The following LRP1B variants were observed in gnomAD, a reference collection of about 807,000 sequenced individuals.
The protein encoded by LRP1B is LDL receptor related protein 1B.
Under a neutral mutation model 556.6 loss-of-function variants are expected in LRP1B, and 217 were observed. The observed-to-expected ratio is 0.39, with a 90% CI of 0.35 to 0.44. LRP1B has a LOEUF of 0.44. Among genes scored for constraint, LRP1B ranks in the 20% least tolerant of loss-of-function variants. LRP1B has a pLI of 1.00. For synonymous variants in LRP1B, 2,047 were observed against 1,865.8 expected (o/e 1.10, Z -2.50); for missense variants, 5,053 against 5,620.8 (o/e 0.90, Z 3.23).
intron 2 of LRP1B, among the ~76,000 whole-genome samples, chr2:141,518,344 G>T (rs1442639296): frequency 6.6e-6 from 1 of 151,918 alleles, no homozygotes; most frequent in Non-Finnish European, 1.5e-5. Context: ...GATTTGGTGA[G>T]TAAAAATGGT....
rs73963048 is a variant in LRP1B, at chr2:141,353,133, G to T, written c.344-98492C>A. On this transcript the variant is annotated intron_variant, in intron 3 of 90. Coordinates refer to ENST00000389484, the MANE Select transcript of LRP1B (RefSeq NM_018557.3). Reference sequence around the variant, plus strand: ...TTTCTTTTTCTTGTGGACACAGAAAGATCATATTTCCCAACATCCCTTGTA... The same window carrying T: ...TTTCTTTTTCTTGTGGACACAGAAATATCATATTTCCCAACATCCCTTGTA... Among the ~76,000 whole-genome samples the T allele has an allele frequency of 9.2e-3, 1,405 of 151,988 alleles. 29 individuals carry two copies. Among genetic ancestry groups the T allele is most frequent in the African/African-American group, 0.032 (1,323 of 41,474 alleles).
chr2:141,093,328 T>G (rs1182068924), intron 7 of LRP1B, among the ~76,000 whole-genome samples: 1 of 151,960 alleles, frequency 6.6e-6, no homozygotes, highest in Non-Finnish European at 1.5e-5. Context: ...ATTTTCTCAC[T>G]GAAATAATAG....
chr2:141,333,412 G>C (rs966462871), intron 3 of LRP1B, among the ~76,000 whole-genome samples: 6 of 152,146 alleles, frequency 3.9e-5, no homozygotes, highest in Admixed American at 3.9e-4. Context: ...GAACATGGAC[G>C]CTACTATTGG....
intron 25 of LRP1B, among the ~76,000 whole-genome samples, chr2:140,875,581 C>G (rs78229538): frequency 0.039 from 5,958 of 152,186 alleles, 184 homozygotes; most frequent in South Asian, 0.094. Context: ...TTTTCAAAGA[C>G]CTGCAATTAT....
At chr2:141,249,166 T>A (rs1223720363) in intron 4 of LRP1B, among the ~76,000 whole-genome samples, 2 of 152,050 alleles carry the variant, frequency 1.3e-5, no homozygotes. Context: ...TGTTCTAGAG[T>A]ATATGGAAGT....
At chr2:140,738,528 C>T (rs571979512) in intron 35 of LRP1B, among the ~76,000 whole-genome samples, 49 of 152,262 alleles carry the variant, frequency 3.2e-4, no homozygotes, top group African/African-American at 1.0e-3. Flanking sequence ...CATTGTCCCC[C>T]GCCAAAGACT....
chr2:140,957,743 A>G (rs928039422), intron 18 of LRP1B, among the ~76,000 whole-genome samples: 5 of 151,570 alleles, frequency 3.3e-5, no homozygotes, highest in African/African-American at 4.8e-5. Flanking sequence ...TGGTTCTGTA[A>G]TCTATCTAGA....
intron 7 of LRP1B, among the ~76,000 whole-genome samples, chr2:141,155,372 A>T (rs1405951404): frequency 3.3e-5 from 5 of 151,798 alleles, no homozygotes; most frequent in Admixed American, 6.6e-5. Context: ...TTATGTGATC[A>T]TCAAAATAGC....
At chr2:142,081,179 G>C (rs1017725980) in intron 1 of LRP1B, among the ~76,000 whole-genome samples, 1 of 152,082 alleles carries the variant, frequency 6.6e-6, no homozygotes, top group African/African-American at 2.4e-5. Flanking sequence ...TTTATTTTTA[G>C]AGAGGTATTC....
chr2:141,130,661 G>T (rs1278780822), intron 7 of LRP1B, among the ~76,000 whole-genome samples: 2 of 151,992 alleles, frequency 1.3e-5, no homozygotes, highest in South Asian at 2.1e-4. Flanking sequence ...AATAGAAAAA[G>T]AAAAGATATA....
intron 43 of LRP1B, among the ~76,000 whole-genome samples, chr2:140,588,758 G>T (rs746710880): frequency 2.6e-5 from 4 of 152,102 alleles, no homozygotes; most frequent in Non-Finnish European, 5.9e-5. Context: ...GAGGTCAGGA[G>T]ATCAGCCTGG....
intron 1 of LRP1B, among the ~76,000 whole-genome samples, chr2:142,124,912 T>C (rs1707583303): frequency 6.6e-6 from 1 of 151,662 alleles, no homozygotes; most frequent in Non-Finnish European, 1.5e-5. Flanking sequence ...ACAGGATGTA[T>C]GGCTATTATT....
intron 18 of LRP1B, among the ~76,000 whole-genome samples, chr2:140,970,829 G>A (rs552406454): frequency 1.4e-5 from 2 of 138,050 alleles, no homozygotes; most frequent in African/African-American, 2.8e-5. Flanking sequence ...CAGCCTGGAC[G>A]TCCTGGGTTC....
chr2:141,247,336 A>G lies in LRP1B; in HGVS notation c.482T>C (p.Val161Ala). 3 of 1,613,722 alleles carry G rather than the reference A, an allele frequency of 1.9e-6. No homozygotes were observed. The highest frequency in any genetic ancestry group is 2.5e-6 in the Non-Finnish European group (3 of 1,179,728). ...GCAGGTCTGGCTGCATGTACCATAA[A>G]CAGCACATTCATCTTGATCTAAAAA... ...RSCKDQDECA[V>A]YGTCSQTCRN... The change falls in exon 5 of 91, where the codon GTT becomes GCT. Residue 161 changes from valine to alanine, a missense_variant. Transcript: ENST00000389484.
chr2:141,743,624 G>A (rs1347183744), intron 2 of LRP1B, among the ~76,000 whole-genome samples: 2 of 147,502 alleles, frequency 1.4e-5, no homozygotes, highest in Non-Finnish European at 3.0e-5. Context: ...ACTTTTTATT[G>A]TGGGTTTAAT....
intron 7 of LRP1B, among the ~76,000 whole-genome samples, chr2:141,113,102 T>C (rs1435698903): frequency 6.6e-6 from 1 of 152,188 alleles, no homozygotes; most frequent in Non-Finnish European, 1.5e-5. Flanking sequence ...TATACTTTTA[T>C]TCCTAAAAGA....
intron 3 of LRP1B, among the ~76,000 whole-genome samples, chr2:141,402,078 C>T (rs1690470306): frequency 6.6e-6 from 1 of 152,044 alleles, no homozygotes; most frequent in Non-Finnish European, 1.5e-5. Context: ...GATATTTTAC[C>T]CTTCTGTTAC....
chr2:140,433,824 G>GT (rs140960497), intron 66 of LRP1B, among the ~76,000 whole-genome samples: 248 of 147,380 alleles, frequency 1.7e-3, no homozygotes, highest in Non-Finnish European at 2.7e-3. Context: ...TATTTCTTCT[G>GT]TTTTTTTTTT....
chr2:141,630,863 T>C (rs1481345990), intron 2 of LRP1B, among the ~76,000 whole-genome samples: 1 of 152,222 alleles, frequency 6.6e-6, no homozygotes, highest in Non-Finnish European at 1.5e-5. Context: ...AGCTTCTTAA[T>C]TTTTTTCTAA....
Sources: allele counts gnomAD v4.1 joint callset (sites outside exome capture counted in the v4.1 genomes callset), GRCh38; gene constraint gnomAD v4.1.1; transcripts MANE v1.5; gene names NCBI Gene and HGNC (gene_info 2026-07-23, HGNC 2026-07-21).